The following CEP89 variants were observed in gnomAD, a reference collection of about 807,000 sequenced individuals.
The protein encoded by CEP89 is centrosomal protein of 89 kDa.
A neutral mutation model predicts 97.6 loss-of-function variants in CEP89; 95 were observed. The observed-to-expected ratio is 0.97, with a 90% CI of 0.82 to 1.15. The LOEUF (loss-of-function observed/expected upper bound fraction) is 1.15, where lower values mean the gene tolerates loss of function less well. Ranked by LOEUF, CEP89 falls within the 50% of genes most tolerant of loss-of-function variation. The pLI, the probability that CEP89 is intolerant of heterozygous loss-of-function variation, is 0.00. For missense variants in CEP89, 869 were observed against 947.7 expected (o/e 0.92, Z 1.09); for synonymous variants, 354 against 349.1 (o/e 1.01, Z -0.16).
chr19:32,931,144 C>CA, intron 9 of CEP89: 1 of 402,482 alleles, frequency 2.5e-6, no homozygotes, highest in Non-Finnish European at 4.3e-6. Flanking sequence ...CCCGCCTCAG[C>CA]CTCTGAAAGT....
intron 14 of CEP89, 92 bp downstream of exon 14, chr19:32,915,245 G>A (rs1251301731): frequency 7.7e-6 from 9 of 1,169,188 alleles, no homozygotes; most frequent in Non-Finnish European, 1.1e-5. Flanking sequence ...GATCACTTGA[G>A]CCCAGGAGTT....
At chr19:32,942,849 CTTTT>C (rs757161677) in intron 5 of CEP89, among the ~76,000 whole-genome samples, 10 of 136,342 alleles carry the variant, frequency 7.3e-5, no homozygotes, top group East Asian at 2.1e-4. Context: ...CTATTCCAGT[CTTTT>C]TTTTTTTTTT....
At chr19:32,898,669 G>A (rs1487114048) in intron 16 of CEP89, among the ~76,000 whole-genome samples, 1 of 151,976 alleles carries the variant, frequency 6.6e-6, no homozygotes, top group Non-Finnish European at 1.5e-5. Flanking sequence ...ATCTCTTGAG[G>A]CCAGGAATTC....
rs1452126560 is a variant in CEP89, at chr19:32,887,815, A to G, written c.1902T>C (p.Asp634=). The G allele has an allele frequency of 3.1e-6, 5 of 1,612,572 alleles. No individual in the cohort carries two copies. Among genetic ancestry groups the G allele is most frequent in the Admixed American group, 1.7e-5 (1 of 59,934 alleles). ...TTTTTATGACTTTATTAAGCACTCC[A>G]TCCTTCTCACTTTCTAAACATTTTG... The part of the protein sequence containing the change: ...CLAKCLESEK[D]GVLNKVIKSN... Residue 634 remains aspartate (D), a synonymous_variant, in exon 17 of 19, where the codon GAT becomes GAC. Coordinates refer to ENST00000305768, the MANE Select transcript of CEP89 (RefSeq NM_032816.5).
intron 8 of CEP89, 99 bp from the exon 9 acceptor site, chr19:32,931,670 G>A (rs572435449): frequency 4.4e-5 from 41 of 929,300 alleles, no homozygotes; most frequent in African/African-American, 2.7e-4. Flanking sequence ...CCTCTTTCAC[G>A]CTCAGAGGCA....
chr19:32,940,094 C>A (rs930349113), intron 5 of CEP89, among the ~76,000 whole-genome samples: 1 of 152,152 alleles, frequency 6.6e-6, no homozygotes, highest in African/African-American at 2.4e-5. Context: ...CATACCCATG[C>A]CTGACCACCA....
At chr19:32,896,003 G>A (rs1399527747) in intron 16 of CEP89, among the ~76,000 whole-genome samples, 1 of 152,144 alleles carries the variant, frequency 6.6e-6, no homozygotes. Flanking sequence ...CATGATCATG[G>A]ATGCGAAGAA....
intron 2 of CEP89, chr19:32,963,913 C>T: frequency 6.7e-6 from 1 of 148,380 alleles, no homozygotes; most frequent in Non-Finnish European, 1.5e-5. Context: ...CACACACACA[C>T]ACACACGCAC....
At chr19:32,942,303 C>T (rs1970703490) in intron 5 of CEP89, among the ~76,000 whole-genome samples, 1 of 152,126 alleles carries the variant, frequency 6.6e-6, no homozygotes, top group African/African-American at 2.4e-5. Flanking sequence ...ATCACTCAAG[C>T]CTGGCAGGCA....
chr19:32,894,695 A>G (rs1196104905), intron 16 of CEP89, among the ~76,000 whole-genome samples: 1 of 152,236 alleles, frequency 6.6e-6, no homozygotes, highest in Non-Finnish European at 1.5e-5. Context: ...CACCAACCAT[A>G]GTTCCACCTT....
chr19:32,904,076 C>A (rs1466637035), intron 14 of CEP89, among the ~76,000 whole-genome samples: 1 of 152,218 alleles, frequency 6.6e-6, no homozygotes, highest in Non-Finnish European at 1.5e-5. Flanking sequence ...AGGAGGATCA[C>A]TTGAGCCCAG....
intron 13 of CEP89, chr19:32,917,780 C>T (rs1045649040): frequency 1.1e-5 from 11 of 984,812 alleles, no homozygotes; most frequent in Non-Finnish European, 1.3e-5. Context: ...GAAATCTAAC[C>T]TGCAGTGATG....
At position 32,899,727 on chromosome 19, in the gene CEP89, G is replaced by A. The variant is rs1431257616; in HGVS notation, c.1875+130C>T. 6 of 835,344 alleles carry A rather than the reference G, an allele frequency of 7.2e-6. No homozygotes were observed. In the Admixed American group the frequency reaches 8.3e-5, roughly 12 times the overall value. 51.7% of individuals were successfully genotyped at this position (835,344 alleles called of 1,614,324 possible). On this transcript the variant is annotated intron_variant, in intron 16 of 18. Transcript: ENST00000305768. ...ACATCATAAAGTCGAAAATTCCTAG[G>A]TGGAACCATCCATCGTAAGTCAGGG...
intron 2 of CEP89, among the ~76,000 whole-genome samples, chr19:32,965,701 A>G (rs1350803831): frequency 6.7e-6 from 1 of 149,898 alleles, no homozygotes; most frequent in African/African-American, 2.5e-5. Context: ...GCCTTGAAAA[A>G]AAAATTAATA....
At chr19:32,893,722 C>T (rs773074702) in intron 16 of CEP89, among the ~76,000 whole-genome samples, 2 of 152,188 alleles carry the variant, frequency 1.3e-5, no homozygotes, top group Non-Finnish European at 2.9e-5. Context: ...ACAAGAGGAA[C>T]TTTGGAAACT....
intron 5 of CEP89, among the ~76,000 whole-genome samples, chr19:32,941,036 C>T (rs1324314843): frequency 1.3e-5 from 2 of 152,116 alleles, no homozygotes; most frequent in African/African-American, 2.4e-5. Flanking sequence ...GCAGGGATTA[C>T]AGGCGTGAGC....
intron 14 of CEP89, among the ~76,000 whole-genome samples, chr19:32,908,167 G>A (rs1054234711): frequency 2.0e-5 from 3 of 152,200 alleles, no homozygotes; most frequent in African/African-American, 7.2e-5. Flanking sequence ...AGTGACACAC[G>A]ATTGTGTTTT....
At chr19:32,932,261 G>A (rs1273975854) in intron 8 of CEP89, among the ~76,000 whole-genome samples, 1 of 150,096 alleles carries the variant, frequency 6.7e-6, no homozygotes, top group Non-Finnish European at 1.5e-5. Context: ...CCACATAATA[G>A]CAATGTCCTA....
chr19:32,907,079 GC>G, intron 14 of CEP89, among the ~76,000 whole-genome samples: 1 of 152,320 alleles, frequency 6.6e-6, no homozygotes, highest in South Asian at 2.1e-4. Flanking sequence ...AAGACCAGGG[GC>G]CAGGCATGGT....
Sources: gnomAD v4.1 joint callset for allele counts (sites outside exome capture counted in the v4.1 genomes callset) on GRCh38, gnomAD v4.1.1 for gene constraint, MANE v1.5 for transcripts, NCBI Gene and HGNC (gene_info 2026-07-23, HGNC 2026-07-21) for gene names.